APBB2: variants seen among roughly 807,000 people sequenced by gnomAD.
APBB2 encodes amyloid beta precursor protein binding family B member 2, also known as Fe65-like 1.
Under a neutral mutation model 82.5 loss-of-function variants are expected in APBB2, and 38 were observed. That is an observed-to-expected ratio of 0.46 (90% CI 0.36 to 0.60). The LOEUF (loss-of-function observed/expected upper bound fraction) is 0.60. Among genes scored for constraint, APBB2 ranks in the 20% least tolerant of loss-of-function variants. APBB2 has a pLI of 0.00. For missense variants in APBB2, 772 were observed against 972.3 expected (o/e 0.79, Z 2.74); for synonymous variants, 341 against 368.2 (o/e 0.93, Z 0.85).
At chr4:40,854,681 C>T (rs1478812777) in intron 12 of APBB2, among the ~76,000 whole-genome samples, 5 of 151,124 alleles carry the variant, frequency 3.3e-5, no homozygotes, top group East Asian at 3.9e-4. Context: ...CCCAGCTACT[C>T]GGGAGGCTGA....
At chr4:40,945,098 G>T in intron 6 of APBB2, 25 bp from the exon 7 acceptor site, 4 of 1,254,464 alleles carry the variant, frequency 3.2e-6, no homozygotes, top group Non-Finnish European at 2.3e-6. Context: ...GGCGGGGCGG[G>T]GGGAGAAAGA....
chr4:41,037,222 C>T (rs1197182573), intron 4 of APBB2, among the ~76,000 whole-genome samples: 13 of 152,134 alleles, frequency 8.5e-5, no homozygotes, highest in Non-Finnish European at 1.5e-5. Flanking sequence ...TCAAGTATTT[C>T]CAATGAATAT....
At chr4:41,028,602 G>A (rs901841166) in intron 5 of APBB2, among the ~76,000 whole-genome samples, 3 of 152,214 alleles carry the variant, frequency 2.0e-5, no homozygotes, top group African/African-American at 7.2e-5. Flanking sequence ...AGACATGCCT[G>A]AAATATGATA....
chr4:40,916,908 G>T lies in APBB2; in HGVS notation c.1254+17548C>A, dbSNP rs368394614. Among the ~76,000 whole-genome samples, 184 of 152,292 alleles carry T rather than the reference G, an allele frequency of 1.2e-3. 1 individual carries two copies. The South Asian group carries it at 0.012, about 10-fold the overall frequency. On this transcript the variant is annotated intron_variant, in intron 10 of 17. Coordinates refer to ENST00000508593, the MANE Select transcript of APBB2 (RefSeq NM_004307.2). Reference sequence around the variant, plus strand: ...GAGTGTGGAGTCTGTGGTGGGGAAGGTCAGAGGGAAGAGGGGAGGACTTCG... The same window carrying T: ...GAGTGTGGAGTCTGTGGTGGGGAAGTTCAGAGGGAAGAGGGGAGGACTTCG...
rs1371270931 is a variant in APBB2 at position 40,893,399 on chromosome 4, G to A, written c.1267C>T (p.Arg423Cys). Residue 423 changes from arginine (R) to cysteine (C), a missense_variant, in exon 11 of 18, where the codon CGT (arginine) becomes TGT (cysteine). Arg to Cys is a radical substitution (Grantham distance 180). Transcript: ENST00000508593. The stretch of plus-strand genomic sequence containing the variant: ...GCCATCTCTACCCATCCCAGAGAAC[G>A]CACAGCAAAACACTGGAAGACAGTG... ...SDPEAKCFAV[R>C]SLGWVEMAEE... is the part of the protein sequence containing the mutation. 3 of 1,611,308 alleles carry A rather than the reference G, an allele frequency of 1.9e-6. No individual in the cohort carries two copies. The highest frequency in any genetic ancestry group is 2.2e-5 in the East Asian group (1 of 44,750).
At chr4:41,041,123 C>G (rs545506782) in intron 4 of APBB2, among the ~76,000 whole-genome samples, 1 of 152,186 alleles carries the variant, frequency 6.6e-6, no homozygotes, top group Non-Finnish European at 1.5e-5. Context: ...CTTGTGATTC[C>G]CCCACCTTGG....
At chr4:40,988,304 T>C (rs1800962049) in intron 6 of APBB2, among the ~76,000 whole-genome samples, 1 of 152,176 alleles carries the variant, frequency 6.6e-6, no homozygotes, top group African/African-American at 2.4e-5. Flanking sequence ...TAATTAAAGT[T>C]TACTACTTCC....
chr4:40,933,966 C>T (rs536649685), intron 10 of APBB2, among the ~76,000 whole-genome samples: 1 of 152,190 alleles, frequency 6.6e-6, no homozygotes, highest in East Asian at 1.9e-4. Context: ...AAAATGGACA[C>T]AAGTTTGCCC....
At chr4:41,030,064 G>A (rs6838645) in intron 5 of APBB2, among the ~76,000 whole-genome samples, 6,974 of 152,256 alleles carry the variant, frequency 0.046, 341 homozygotes, top group African/African-American at 0.12. Context: ...GCTGAGGCAG[G>A]AGAATCACTT....
intron 6 of APBB2, among the ~76,000 whole-genome samples, chr4:41,009,835 T>C (rs749260755): frequency 3.9e-5 from 6 of 152,202 alleles, no homozygotes; most frequent in Non-Finnish European, 8.8e-5. Context: ...TATATACACA[T>C]ACACATGTAT....
intron 5 of APBB2, among the ~76,000 whole-genome samples, chr4:41,018,706 C>T (rs1810679950): frequency 6.6e-6 from 1 of 152,172 alleles, no homozygotes; most frequent in Admixed American, 6.5e-5. Flanking sequence ...GCAATTAAAA[C>T]ATCAGTGGTG....
At chr4:40,976,888 A>G (rs1023970005) in intron 6 of APBB2, among the ~76,000 whole-genome samples, 1 of 152,120 alleles carries the variant, frequency 6.6e-6, no homozygotes, top group Non-Finnish European at 1.5e-5. Flanking sequence ...ATCCTATAAA[A>G]AATAAAAAAA....
chr4:41,140,884 G>T (rs1758929709), intron 2 of APBB2, among the ~76,000 whole-genome samples: 1 of 152,150 alleles, frequency 6.6e-6, no homozygotes, highest in Admixed American at 6.5e-5. Context: ...CCACCTAGTT[G>T]CAGGAACACA....
At chr4:41,024,335 TA>T (rs1713056540) in intron 5 of APBB2, among the ~76,000 whole-genome samples, 1 of 152,186 alleles carries the variant, frequency 6.6e-6, no homozygotes, top group Admixed American at 6.5e-5. Context: ...GGGATCTAAT[TA>T]AACTTATGAG....
intron 4 of APBB2, among the ~76,000 whole-genome samples, chr4:41,043,673 A>C (rs1182742861): frequency 2.0e-5 from 3 of 152,144 alleles, no homozygotes; most frequent in Non-Finnish European, 4.4e-5. Flanking sequence ...CCTTCCTCCA[A>C]AGTAAACAAA....
intron 6 of APBB2, among the ~76,000 whole-genome samples, chr4:40,949,698 G>C (rs1393886352): frequency 6.6e-6 from 1 of 152,040 alleles, no homozygotes; most frequent in Admixed American, 6.6e-5. Context: ...AAATTACTTA[G>C]TGAAGCTTTG....
chr4:41,110,577 T>A (rs1352922474), intron 2 of APBB2, among the ~76,000 whole-genome samples: 2 of 146,724 alleles, frequency 1.4e-5, no homozygotes, highest in African/African-American at 5.1e-5. Flanking sequence ...CACTCCAGCC[T>A]GGGCATCAGA....
At chr4:40,863,182 G>A (rs1351968037) in intron 12 of APBB2, among the ~76,000 whole-genome samples, 2 of 152,142 alleles carry the variant, frequency 1.3e-5, no homozygotes, top group Non-Finnish European at 2.9e-5. Context: ...GCCCAGCTCA[G>A]CACTAAGCAC....
rs1459272473 is a variant in APBB2 at position 41,178,150 on chromosome 4, A to T, written c.-416-35008T>A. Among the ~76,000 whole-genome samples the T allele has an allele frequency of 2.0e-5, 3 of 152,206 alleles. No individual in the cohort carries two copies. In the East Asian group the frequency reaches 5.8e-4, roughly 29 times the overall value. ...ACCATATAAACATCAAGACTCCAGA[A>T]AACCTTACCCACATGTATCAATATT... On this transcript the variant is annotated intron_variant, in intron 1 of 17. Transcript: ENST00000508593.
Sources: allele counts gnomAD v4.1 joint callset (sites outside exome capture counted in the v4.1 genomes callset), GRCh38; gene constraint gnomAD v4.1.1; transcripts MANE v1.5; gene names NCBI Gene and HGNC (gene_info 2026-07-23, HGNC 2026-07-21).